Variants in MAD1L1 observed in about 807,000 individuals in gnomAD.
MAD1L1 encodes the protein mitotic spindle assembly checkpoint protein MAD1.
MAD1L1 carries 95 observed loss-of-function variants against 96.9 expected under a neutral mutation model. The observed-to-expected ratio is 0.98, with a 90% CI of 0.83 to 1.16. The LOEUF (loss-of-function observed/expected upper bound fraction) is 1.16. MAD1L1 is among the 50% of genes most tolerant of loss of function. The pLI is 0.00. For synonymous variants in MAD1L1, 473 were observed against 396.6 expected, an observed-to-expected ratio of 1.19 and a Z score of -2.29; for missense variants, 1,007 against 954.4, an observed-to-expected ratio of 1.06 and a Z score of -0.73.
intron 18 of MAD1L1, among the ~76,000 whole-genome samples, chr7:1,852,143 A>T (rs910980571): frequency 6.6e-6 from 1 of 152,174 alleles, no homozygotes; most frequent in Non-Finnish European, 1.5e-5. Flanking sequence ...GTCGGGGAGA[A>T]GCCCCAGGGA....
intron 11 of MAD1L1, among the ~76,000 whole-genome samples, chr7:2,104,903 G>A (rs1357037696): frequency 6.6e-6 from 1 of 152,164 alleles, no homozygotes; most frequent in Non-Finnish European, 1.5e-5. Context: ...AGGTCCCCCC[G>A]CAAGCCCTGG....
intron 11 of MAD1L1, among the ~76,000 whole-genome samples, chr7:2,102,360 G>A (rs965950322): frequency 1.0e-4 from 14 of 139,238 alleles, no homozygotes; most frequent in East Asian, 2.1e-4. Flanking sequence ...CATCACCACC[G>A]TCACTATCAC....
intron 17 of MAD1L1, among the ~76,000 whole-genome samples, chr7:1,923,578 G>GC (rs1482119584): frequency 6.6e-6 from 1 of 152,266 alleles, no homozygotes; most frequent in East Asian, 1.9e-4. Flanking sequence ...CCAAGAGTGG[G>GC]CCCCTCCCTC....
chr7:1,831,191 A>C (rs1293754512), intron 18 of MAD1L1, among the ~76,000 whole-genome samples: 2 of 152,250 alleles, frequency 1.3e-5, no homozygotes, highest in Non-Finnish European at 2.9e-5. Context: ...CTATTTTTCC[A>C]AAAGCGTGGA....
chr7:1,820,254 A>C (rs1436411972), intron 18 of MAD1L1, among the ~76,000 whole-genome samples: 1 of 152,158 alleles, frequency 6.6e-6, no homozygotes, highest in Non-Finnish European at 1.5e-5. Context: ...ATACAGCATA[A>C]TGAAATTTGC....
intron 17 of MAD1L1, among the ~76,000 whole-genome samples, chr7:1,901,549 G>A (rs890675226): frequency 3.3e-5 from 5 of 152,222 alleles, no homozygotes; most frequent in Admixed American, 6.5e-5. Flanking sequence ...GGGCTGAGGC[G>A]AGACAGTGGT....
chr7:1,929,776 CGT>C (rs1374512917), intron 17 of MAD1L1, among the ~76,000 whole-genome samples: 12 of 144,774 alleles, frequency 8.3e-5, no homozygotes, highest in Non-Finnish European at 1.5e-4. Flanking sequence ...CCCCTCGCCC[CGT>C]CCCCACTGCC....
At chr7:2,032,026 G>A (rs947387355) in intron 12 of MAD1L1, among the ~76,000 whole-genome samples, 2 of 152,252 alleles carry the variant, frequency 1.3e-5, no homozygotes, top group African/African-American at 4.8e-5. Flanking sequence ...CAAAGTCTAG[G>A]TGGCTTTCTC....
At chr7:1,981,451 G>A (rs1312536005) in intron 14 of MAD1L1, among the ~76,000 whole-genome samples, 1 of 152,166 alleles carries the variant, frequency 6.6e-6, no homozygotes, top group Non-Finnish European at 1.5e-5. Flanking sequence ...CCAGGGCCCG[G>A]GGGTGCTAAG....
chr7:2,216,162 G>GTGCGCGCTCTCCTCCCGCAGC lies in MAD1L1; in HGVS notation c.783_803dup (p.Gln261_Ala267dup), dbSNP rs1793264297. 2 of 1,612,692 alleles carry GTGCGCGCTCTCCTCCCGCAGC rather than the reference G, an allele frequency of 1.2e-6. No individual in the cohort carries two copies. Among genetic ancestry groups the GTGCGCGCTCTCCTCCCGCAGC allele is most frequent in the Non-Finnish European group, 8.5e-7 (1 of 1,179,832 alleles). Reference sequence around the variant, plus strand: ...CATCCCCCGCAACCCCTCACCGCAGGTGCGCGCTCTCCTCCCGCAGCTGCT... The same window carrying GTGCGCGCTCTCCTCCCGCAGC: ...CATCCCCCGCAACCCCTCACCGCAGGTGCGCGCTCTCCTCCCGCAGCTGCGCGCTCTCCTCCCGCAGCTGCT... On this transcript the variant is annotated inframe_insertion, in exon 8 of 19. Transcript: ENST00000265854.
intron 6 of MAD1L1, among the ~76,000 whole-genome samples, chr7:2,218,397 C>T (rs1456411283): frequency 2.0e-5 from 3 of 152,248 alleles, no homozygotes; most frequent in Non-Finnish European, 4.4e-5. Context: ...GGTAGGGCCC[C>T]ACCCAGGAAT....
chr7:1,818,913 C>T lies in MAD1L1; in HGVS notation c.1999-2685G>A, dbSNP rs561395772. Among the ~76,000 whole-genome samples, 10 of 152,190 alleles carry T rather than the reference C, an allele frequency of 6.6e-5. No homozygotes were observed. In the South Asian group the frequency reaches 1.9e-3, roughly 28 times the overall value. On this transcript the variant is annotated intron_variant, in intron 18 of 18. Transcript: ENST00000265854. ...GGAGTAACCAGTGCTACTCTCCCAG[C>T]TCAAACCCCACACGAAGGCAGACCC... is the stretch of plus-strand genomic sequence containing the variant.
chr7:2,059,993 G>A (rs529301039), intron 12 of MAD1L1, among the ~76,000 whole-genome samples: 1 of 152,200 alleles, frequency 6.6e-6, no homozygotes, highest in Non-Finnish European at 1.5e-5. Flanking sequence ...AGGCCATCAA[G>A]GTAAATGGTG....
At chr7:2,003,395 G>C (rs1781892126) in intron 13 of MAD1L1, among the ~76,000 whole-genome samples, 1 of 152,110 alleles carries the variant, frequency 6.6e-6, no homozygotes, top group African/African-American at 2.4e-5. Context: ...ACAGCCTGGG[G>C]AAAGTGGCTG....
At chr7:1,902,596 T>C (rs1187729655) in intron 17 of MAD1L1, among the ~76,000 whole-genome samples, 3 of 152,226 alleles carry the variant, frequency 2.0e-5, no homozygotes, top group Admixed American at 1.3e-4. Flanking sequence ...GCACTGCCTG[T>C]CCACTTCCGC....
intron 13 of MAD1L1, among the ~76,000 whole-genome samples, chr7:2,014,269 G>A (rs1025348580): frequency 6.6e-6 from 1 of 152,172 alleles, no homozygotes; most frequent in Non-Finnish European, 1.5e-5. Flanking sequence ...TTGCAGGCTG[G>A]GACCACCTGA....
intron 16 of MAD1L1, among the ~76,000 whole-genome samples, chr7:1,943,524 C>T (rs528235373): frequency 6.6e-6 from 1 of 152,260 alleles, no homozygotes; most frequent in South Asian, 2.1e-4. Flanking sequence ...AAAAGCTGCT[C>T]GGCATCATCC....
At chr7:2,198,398 A>T (rs1356955382) in intron 10 of MAD1L1, among the ~76,000 whole-genome samples, 2 of 152,124 alleles carry the variant, frequency 1.3e-5, no homozygotes, top group African/African-American at 4.8e-5. Context: ...GCAGCCAGGT[A>T]CACACCCCCC....
intron 18 of MAD1L1, among the ~76,000 whole-genome samples, chr7:1,877,559 TA>T (rs1047408775): frequency 6.6e-6 from 1 of 151,860 alleles, no homozygotes; most frequent in African/African-American, 2.4e-5. Flanking sequence ...CTCAATGTCA[TA>T]AAAATTATAT....
Sources: gnomAD v4.1 joint callset for allele counts (sites outside exome capture counted in the v4.1 genomes callset) on GRCh38, gnomAD v4.1.1 for gene constraint, MANE v1.5 for transcripts, NCBI Gene and HGNC (gene_info 2026-07-23, HGNC 2026-07-21) for gene names.